CLDN2: variants seen among roughly 807,000 people sequenced by gnomAD.
CLDN2 encodes claudin-2.
A neutral mutation model predicts 8.2 loss-of-function variants in CLDN2; 1 was observed. The ratio of observed to expected loss-of-function variants is 0.12; its 90% CI spans 0.04 to 0.58. CLDN2 has a LOEUF of 0.58. Ranked by LOEUF, CLDN2 falls within the 20% of genes least tolerant of loss-of-function variation. The pLI, the probability that CLDN2 is intolerant of heterozygous loss-of-function variation, is 0.90. For synonymous variants in CLDN2, 70 were observed against 70.2 expected, an observed-to-expected ratio of 1.00 and a Z score of 0.01; for missense variants, 108 against 172.9, an observed-to-expected ratio of 0.62 and a Z score of 2.11.
upstream of CLDN2, among the ~76,000 whole-genome samples, chrX:106,914,152 T>C (rs1234708527): frequency 1.8e-5 from 2 of 108,838 alleles, no homozygotes; most frequent in African/African-American, 3.4e-5. Context: ...GGTTTTGCCA[T>C]GTTGCCCAGG....
chrX:106,905,487 C>A (rs994247675), intron 1 of CLDN2, among the ~76,000 whole-genome samples: 4 of 111,570 alleles, frequency 3.6e-5, no homozygotes, highest in African/African-American at 1.3e-4. Flanking sequence ...AGAGTTCTTG[C>A]TAAATTTACC....
At position 106,928,347 on chromosome X, in the gene CLDN2, T is replaced by C. The variant is rs753717485; in HGVS notation, c.119T>C (p.Ile40Thr). 8.3e-7 allele frequency: 1 copy of C among 1,211,744 alleles called. No individual in the cohort carries two copies. Among genetic ancestry groups the C allele is most frequent in the Non-Finnish European group, 1.1e-6 (1 of 895,298 alleles). The change falls in exon 2 of 2, where the codon ATT becomes ACT. Residue 40 changes from isoleucine (I) to threonine (T), a missense_variant. Ile to Thr is a moderately conservative substitution (Grantham distance 89). Around this residue, in one of 2 missense-constraint regions of CLDN2, gnomAD observed 27 missense variants for 72.2 expected, o/e 0.37. Coordinates refer to ENST00000336803, the MANE Select transcript of CLDN2 (RefSeq NM_020384.4). ...ACAAGTTCTTATGTCGGTGCCAGCATTGTGACAGCAGTTGGCTTCTCCAAG... is the reference window on the plus strand; with the variant it reads ...ACAAGTTCTTATGTCGGTGCCAGCACTGTGACAGCAGTTGGCTTCTCCAAG... The part of the protein sequence containing the change: ...WKTSSYVGAS[I>T]VTAVGFSKGL...
intron 1 of CLDN2, chrX:106,901,658 G>T (rs1001587558): frequency 4.3e-6 from 3 of 700,444 alleles, no homozygotes; most frequent in South Asian, 3.0e-5. Flanking sequence ...GACATCTCTG[G>T]GACCCAGCAA....
intron 1 of CLDN2, chrX:106,901,408 C>T: frequency 9.7e-7 from 1 of 1,030,776 alleles, no homozygotes; most frequent in South Asian, 1.9e-5. Flanking sequence ...CTTCACAAGA[C>T]CTTTGTGAAG....
chrX:106,922,107 T>C (rs974728240), intron 1 of CLDN2, among the ~76,000 whole-genome samples: 2 of 112,128 alleles, frequency 1.8e-5, no homozygotes, highest in Non-Finnish European at 3.8e-5. Flanking sequence ...GCTAGATCTT[T>C]TGATTCTAAC....
chrX:106,909,138 G>A (rs1268682060), intron 1 of CLDN2, among the ~76,000 whole-genome samples: 1 of 112,079 alleles, frequency 8.9e-6, no homozygotes, highest in Admixed American at 9.4e-5. Context: ...GATAATAAGA[G>A]TAGAGAACAT....
chrX:106,904,842 T>C (rs1017383350), intron 1 of CLDN2, among the ~76,000 whole-genome samples: 2 of 112,040 alleles, frequency 1.8e-5, no homozygotes, highest in African/African-American at 6.5e-5. Flanking sequence ...AAATATTACT[T>C]AAAGGATGAT....
chrX:106,907,020 C>T (rs906500489), intron 1 of CLDN2, among the ~76,000 whole-genome samples: 1 of 111,706 alleles, frequency 9.0e-6, no homozygotes, highest in Non-Finnish European at 1.9e-5. Context: ...TCCTGGCTCC[C>T]ATTCACACCT....
upstream of CLDN2, among the ~76,000 whole-genome samples, chrX:106,913,503 G>A (rs1414935608): frequency 8.9e-6 from 1 of 112,476 alleles, no homozygotes; most frequent in Admixed American, 9.4e-5. Flanking sequence ...TGAAGTTTAG[G>A]TGTAGTTATC....
upstream of CLDN2, among the ~76,000 whole-genome samples, chrX:106,919,702 T>C (rs1277078815): frequency 1.8e-5 from 2 of 112,472 alleles, no homozygotes; most frequent in African/African-American, 6.5e-5. Flanking sequence ...CAGGCTGTTT[T>C]CGAACTCCTG....
chrX:106,922,024 G>C (rs953598222), intron 1 of CLDN2, among the ~76,000 whole-genome samples: 1 of 112,252 alleles, frequency 8.9e-6, no homozygotes, highest in African/African-American at 3.2e-5. Flanking sequence ...AAATCTTGGA[G>C]ATGACAAACT....
chrX:106,906,284 G>A (rs1300419636), intron 1 of CLDN2, among the ~76,000 whole-genome samples: 1 of 111,072 alleles, frequency 9.0e-6, no homozygotes, highest in Non-Finnish European at 1.9e-5. Flanking sequence ...GAGAGTACTG[G>A]GGCTAGCATT....
upstream of CLDN2, among the ~76,000 whole-genome samples, chrX:106,916,522 G>A (rs1278123446): frequency 1.8e-5 from 2 of 111,151 alleles, no homozygotes; most frequent in Non-Finnish European, 3.8e-5. Context: ...AAATCAGAAG[G>A]GTATTGCATC....
chrX:106,919,883 C>G (rs948758041), upstream of CLDN2, among the ~76,000 whole-genome samples: 10 of 112,600 alleles, frequency 8.9e-5, no homozygotes, highest in African/African-American at 3.2e-4. Context: ...CTCAGTTCCA[C>G]CTTGTAGGAC....
intron 1 of CLDN2, among the ~76,000 whole-genome samples, chrX:106,907,124 T>C (rs748093563): frequency 8.9e-6 from 1 of 111,940 alleles, no homozygotes; most frequent in Admixed American, 9.4e-5. Flanking sequence ...ATTTGATCAC[T>C]TCTTTGAACT....
chrX:106,906,611 C>G (rs918664898), intron 1 of CLDN2, among the ~76,000 whole-genome samples: 3 of 111,102 alleles, frequency 2.7e-5, no homozygotes, highest in African/African-American at 9.8e-5. Context: ...TGCCATGCCC[C>G]ACTCCCCCCT....
upstream of CLDN2, among the ~76,000 whole-genome samples, chrX:106,916,589 A>C (rs1421420080): frequency 2.7e-5 from 3 of 111,615 alleles, no homozygotes; most frequent in Non-Finnish European, 5.6e-5. Flanking sequence ...TGGACAAAAA[A>C]GCTAAATTTT....
chrX:106,917,996 G>C (rs1396283325), upstream of CLDN2, among the ~76,000 whole-genome samples: 1 of 111,525 alleles, frequency 9.0e-6, no homozygotes, highest in Non-Finnish European at 1.9e-5. Flanking sequence ...AGGAAACACA[G>C]TGTTAGAACC....
chrX:106,914,108 A>G (rs1199044318), upstream of CLDN2, among the ~76,000 whole-genome samples: 2 of 107,534 alleles, frequency 1.9e-5, no homozygotes, highest in Admixed American at 1.0e-4. Flanking sequence ...ACACACCACC[A>G]CGCCCGGCTA....
Sources: gnomAD v4.1 joint callset for allele counts (sites outside exome capture counted in the v4.1 genomes callset) on GRCh38, gnomAD v4.1.1 for gene constraint, gnomAD v4.1.1 regional missense constraint, MANE v1.5 for transcripts, NCBI Gene and HGNC (gene_info 2026-07-23, HGNC 2026-07-21) for gene names.